The following PCTP variants were observed in gnomAD, a reference collection of about 807,000 sequenced individuals.
PCTP encodes the protein phosphatidylcholine transfer protein.
A neutral mutation model predicts 31.0 loss-of-function variants in PCTP; 27 were observed. The observed-to-expected ratio is 0.87, with a 90% CI of 0.64 to 1.20. PCTP has a LOEUF of 1.20. Ranked by LOEUF, PCTP falls within the 50% of genes most tolerant of loss-of-function variation. PCTP has a pLI of 0.00. For synonymous variants in PCTP, 108 were observed against 101.2 expected (o/e 1.07, Z -0.40); for missense variants, 287 against 268.2 (o/e 1.07, Z -0.49).
rs1238901938 is a variant in PCTP at position 55,771,175 on chromosome 17, C to A, written c.329C>A (p.Ser110Tyr). Residue 110 changes from serine (S) to tyrosine (Y), a missense_variant, in exon 3 of 6, where the codon TCC (serine) becomes TAC (tyrosine). Transcript: ENST00000268896. ...YWEVKYPFPM[S>Y]NRDYVYLRQR... ...GAAGTGAAGTACCCTTTTCCCATGT[C>A]CAACAGAGACGTATCCTTTCCACAA... 6.2e-7 allele frequency: 1 copy of A among 1,607,640 alleles called. No individual in the cohort carries two copies. Among genetic ancestry groups the A allele is most frequent in the South Asian group, 1.1e-5 (1 of 90,926 alleles).
At chr17:55,828,953 C>A (rs1905502074) in intron 5 of PCTP, among the ~76,000 whole-genome samples, 1 of 152,132 alleles carries the variant, frequency 6.6e-6, no homozygotes, top group Non-Finnish European at 1.5e-5. Context: ...CCAGTCCCCC[C>A]TACATGTTAA....
intron 5 of PCTP, among the ~76,000 whole-genome samples, chr17:55,842,003 A>T (rs1317099340): frequency 6.6e-6 from 1 of 152,196 alleles, no homozygotes; most frequent in Admixed American, 6.5e-5. Flanking sequence ...ATATATAAGT[A>T]CACCTCCCAT....
chr17:55,835,395 G>A (rs1905745824), intron 5 of PCTP, among the ~76,000 whole-genome samples: 1 of 152,134 alleles, frequency 6.6e-6, no homozygotes, highest in Non-Finnish European at 1.5e-5. Flanking sequence ...CTTGGTTCAC[G>A]ACAACCATTC....
intron 2 of PCTP, among the ~76,000 whole-genome samples, chr17:55,786,653 C>G (rs1192971787): frequency 1.3e-5 from 2 of 152,174 alleles, no homozygotes; most frequent in African/African-American, 2.4e-5. Context: ...AACTCTATCT[C>G]TTTGGGTGTA....
At chr17:55,843,998 T>G (rs1022620025), downstream of PCTP, among the ~76,000 whole-genome samples, 2 of 152,194 alleles carry the variant, frequency 1.3e-5, no homozygotes, top group African/African-American at 4.8e-5. Flanking sequence ...CAGTTTACCA[T>G]GAGAGCCTAC....
intron 3 of PCTP, among the ~76,000 whole-genome samples, chr17:55,811,415 T>A (rs145513925): frequency 8.5e-5 from 13 of 152,330 alleles, no homozygotes; most frequent in African/African-American, 3.1e-4. Flanking sequence ...TCATTTTATT[T>A]TACATATGAG....
At chr17:55,823,432 C>T (rs770060580), downstream of PCTP, among the ~76,000 whole-genome samples, 59 of 152,278 alleles carry the variant, frequency 3.9e-4, no homozygotes, top group Admixed American at 5.9e-4. Flanking sequence ...TAAAAAGTAG[C>T]GACTGGGAAG....
rs1050623892 is a variant in PCTP at position 55,766,710 on chromosome 17, C to T, written c.142-625C>T. ...AAGTCTTTGCTATTGTGAATAGAGC[C>T]GCAGTAAACATATGTGTGCATGTGT... On this transcript the variant is annotated intron_variant, in intron 1 of 5. Transcript: ENST00000268896. Among the ~76,000 whole-genome samples, 9 of 152,040 alleles carry T rather than the reference C, an allele frequency of 5.9e-5. No homozygotes were observed. In the East Asian group the frequency reaches 7.7e-4, roughly 13 times the overall value.
At chr17:55,810,112 C>T (rs78738449) in intron 3 of PCTP, among the ~76,000 whole-genome samples, 79 of 152,268 alleles carry the variant, frequency 5.2e-4, no homozygotes, top group Non-Finnish European at 1.0e-3. Flanking sequence ...ATTAAACTCC[C>T]AGGCTCAAAT....
chr17:55,816,163 T>C lies in PCTP; in HGVS notation c.318-6598T>C, dbSNP rs181459508. Among the ~76,000 whole-genome samples, 337 of 152,304 alleles carry C rather than the reference T, an allele frequency of 2.2e-3. 1 individual carries two copies. Among genetic ancestry groups the C allele is most frequent in the African/African-American group, 7.8e-3 (325 of 41,566 alleles). On this transcript the variant is annotated intron_variant, in intron 3 of 3. Transcript: ENST00000572536. Reference sequence around the variant, plus strand: ...GTATATGCTTCAATGGCTTTTATTATATTCACAGACTTGGGCAGCCATCAT... The same window carrying C: ...GTATATGCTTCAATGGCTTTTATTACATTCACAGACTTGGGCAGCCATCAT...
chr17:55,780,006 A>G (rs1327109846), downstream of PCTP, among the ~76,000 whole-genome samples: 1 of 152,200 alleles, frequency 6.6e-6, no homozygotes, highest in African/African-American at 2.4e-5. Flanking sequence ...GTGGGAGAGA[A>G]AAAATGAAAG....
chr17:55,770,951 T>A, intron 2 of PCTP, 155 bp from the exon 3 acceptor site: 1 of 601,994 alleles, frequency 1.7e-6, no homozygotes. Context: ...CAGGCTGGTC[T>A]TGAACTCCTG....
intron 5 of PCTP, among the ~76,000 whole-genome samples, chr17:55,833,765 A>G (rs1379561924): frequency 6.6e-6 from 1 of 152,182 alleles, no homozygotes; most frequent in African/African-American, 2.4e-5. Context: ...TTTAGAAGCA[A>G]TTGGAATATT....
At chr17:55,757,475 C>T (rs373355935) in intron 1 of PCTP, among the ~76,000 whole-genome samples, 123 of 134,728 alleles carry the variant, frequency 9.1e-4, no homozygotes, top group Middle Eastern at 4.1e-3. Context: ...CACACACACA[C>T]GTATGTATAT....
In PCTP at chr17:55,755,600, T is replaced by G. The variant is rs568313915; in HGVS notation, c.141+4356T>G. Among the ~76,000 whole-genome samples the G allele has an allele frequency of 2.6e-5, 4 of 152,312 alleles. No individual in the cohort carries two copies. The South Asian group carries it at 8.3e-4, about 32-fold the overall frequency. On this transcript the variant is annotated intron_variant, in intron 1 of 5. Coordinates refer to ENST00000268896, the MANE Select transcript of PCTP (RefSeq NM_021213.4). ...TTTGATGTACAGCTTTTGATAATTT[T>G]TTTTTGTTTTCTATTTTTCTCTTAA...
In PCTP at chr17:55,773,848, A is replaced by G; in HGVS notation, c.464A>G (p.Tyr155Cys). The change falls in exon 4 of 6, where the codon TAC (tyrosine) becomes TGC (cysteine). Residue 155 changes from tyrosine (Y) to cysteine (C), a missense_variant. Coordinates refer to ENST00000268896, the MANE Select transcript of PCTP (RefSeq NM_021213.4). ...ERSGVIRVKQ[Y>C]KQSLAIESDG... ...TCTGGGGTGATCCGGGTGAAGCAATACAAGCAGAGCCTGGCGATCGAGAGT... is the reference window on the plus strand; with the variant it reads ...TCTGGGGTGATCCGGGTGAAGCAATGCAAGCAGAGCCTGGCGATCGAGAGT... 1 of 1,612,848 alleles carries G rather than the reference A, an allele frequency of 6.2e-7. No homozygotes were observed. The highest frequency in any genetic ancestry group is 8.5e-7 in the Non-Finnish European group (1 of 1,179,418).
chr17:55,805,729 AT>A lies in PCTP; in HGVS notation c.318-17031del, dbSNP rs146436817. 3.0e-3 allele frequency among the ~76,000 whole-genome samples: 451 copies of A among 152,290 alleles called. 1 individual carries two copies. The highest frequency in any genetic ancestry group is 0.011 in the African/African-American group (438 of 41,554). Reference sequence around the variant, plus strand: ...TACACAATACCATTTAAAAATGTGTATCCATTTGGCACCAGATTTGACTCTC... The same window carrying A: ...TACACAATACCATTTAAAAATGTGTACCATTTGGCACCAGATTTGACTCTC... On this transcript the variant is annotated intron_variant, in intron 3 of 3. Transcript: ENST00000572536.
chr17:55,812,077 A>G (rs945097145), intron 3 of PCTP, among the ~76,000 whole-genome samples: 1 of 152,196 alleles, frequency 6.6e-6, no homozygotes, highest in African/African-American at 2.4e-5. Context: ...TTCAGATGTG[A>G]AAGTAACTTG....
chr17:55,768,863 G>A (rs1223308739), intron 2 of PCTP: 1 of 152,168 alleles, frequency 6.6e-6, no homozygotes, highest in African/African-American at 2.4e-5. Flanking sequence ...AGTCATAGTG[G>A]AATGGAACTA....
Sources: gnomAD v4.1 joint callset for allele counts (sites outside exome capture counted in the v4.1 genomes callset) on GRCh38, gnomAD v4.1.1 for gene constraint, MANE v1.5 for transcripts, NCBI Gene and HGNC (gene_info 2026-07-23, HGNC 2026-07-21) for gene names.